The following ABL1 variants were observed in gnomAD, a reference collection of about 807,000 sequenced individuals.
ABL1 encodes ABL proto-oncogene 1, non-receptor tyrosine kinase, also known as tyrosine-protein kinase ABL1.
In ABL1, 11 loss-of-function variants were observed where a neutral mutation model predicts 94.7. That is an observed-to-expected ratio of 0.12 (90% CI 0.07 to 0.19). ABL1 has a LOEUF of 0.19. Ranked by LOEUF, ABL1 falls within the 10% of genes least tolerant of loss-of-function variation. The pLI, the probability that ABL1 is intolerant of heterozygous loss-of-function variation, is 1.00. For synonymous variants in ABL1, 656 were observed against 622.4 expected, an observed-to-expected ratio of 1.05 and a Z score of -0.80; for missense variants, 1,082 against 1,489.4, an observed-to-expected ratio of 0.73 and a Z score of 4.50.
chr9:130,865,670 C>T (rs1195505234), intron 4 of ABL1, among the ~76,000 whole-genome samples: 2 of 140,018 alleles, frequency 1.4e-5, no homozygotes, highest in Non-Finnish European at 3.0e-5. Context: ...TACCTGAGCC[C>T]GGGAGGTTGA....
Position 130,885,292 on chromosome 9 carries a change from C to T in ABL1, c.3002C>T (p.Ala1001Val), listed in dbSNP as rs1320012629. 2.5e-6 allele frequency: 4 copies of T among 1,613,724 alleles called. No individual in the cohort carries two copies. The Admixed American group carries it at 6.7e-5, about 27-fold the overall frequency. The change falls in exon 11 of 11, where the codon GCC becomes GTC. Residue 1001 changes from alanine to valine, a missense_variant. Ala to Val is a moderately conservative substitution (Grantham distance 64). Coordinates refer to ENST00000318560, the MANE Select transcript of ABL1 (RefSeq NM_005157.6). ...GCAGGGGACCAGCCGTCTTCCACCGCCTTCATCCCTCTCATATCAACCCGA... is the reference window on the plus strand; with the variant it reads ...GCAGGGGACCAGCCGTCTTCCACCGTCTTCATCCCTCTCATATCAACCCGA... ...ALAGDQPSST[A>V]FIPLISTRVS...
At chr9:130,721,345 T>G (rs1464188160) in intron 1 of ABL1, among the ~76,000 whole-genome samples, 1 of 152,104 alleles carries the variant, frequency 6.6e-6, no homozygotes, top group Non-Finnish European at 1.5e-5. Context: ...GCCACCGCAC[T>G]CCAGCCTGGG....
At chr9:130,827,424 A>G (rs575545937) in intron 1 of ABL1, among the ~76,000 whole-genome samples, 26 of 152,284 alleles carry the variant, frequency 1.7e-4, no homozygotes, top group African/African-American at 6.0e-4. Flanking sequence ...CACGCATACA[A>G]AACTAACAGT....
intron 1 of ABL1, among the ~76,000 whole-genome samples, chr9:130,836,711 G>A (rs1830591400): frequency 6.6e-6 from 1 of 151,636 alleles, no homozygotes; most frequent in South Asian, 2.1e-4. Flanking sequence ...TGTAATCCCA[G>A]CTACTCGGGA....
chr9:130,781,434 C>G (rs1335403489), intron 1 of ABL1, among the ~76,000 whole-genome samples: 1 of 152,144 alleles, frequency 6.6e-6, no homozygotes. Flanking sequence ...CAATAGTTTT[C>G]TTTGAACATT....
rs1408382169 is a variant in ABL1 at position 130,735,221 on chromosome 9, G to A, written c.136+20766G>A. Among the ~76,000 whole-genome samples, 5 of 151,898 alleles carry A rather than the reference G, an allele frequency of 3.3e-5. No homozygotes were observed. The East Asian group carries it at 5.9e-4, about 18-fold the overall frequency. On this transcript the variant is annotated intron_variant, in intron 1 of 10. Coordinates refer to the ABL1 transcript ENST00000372348. ...ATTTTTGTATTTTTAGTAGCGATGGGGTTTCACCATGTTGGCCAGGCTGGT... is the reference window on the plus strand; with the variant it reads ...ATTTTTGTATTTTTAGTAGCGATGGAGTTTCACCATGTTGGCCAGGCTGGT...
chr9:130,884,125 C>T lies in ABL1; in HGVS notation c.1835C>T (p.Pro612Leu). 1.2e-6 allele frequency: 2 copies of T among 1,613,742 alleles called. No homozygotes were observed. Among genetic ancestry groups the T allele is most frequent in the Non-Finnish European group, 1.7e-6 (2 of 1,180,050 alleles). The change falls in exon 11 of 11, where the codon CCA becomes CTA. Residue 612 changes from proline (P) to leucine (L), a missense_variant. By Grantham distance (98) the Pro-to-Leu change is moderately conservative (BLOSUM62 -3). Around this residue, in one of 7 missense-constraint regions of ABL1, gnomAD observed 780 missense variants for 835.8 expected, o/e 0.93. Coordinates refer to ENST00000318560, the MANE Select transcript of ABL1 (RefSeq NM_005157.6). The surrounding 1 kb of genome is among the most constrained non-coding windows in gnomAD (Gnocchi z 5.6). ...ALIKKKKKTA[P>L]TPPKRSSSFR... ...ATCAAGAAGAAGAAGAAGACAGCCC[C>T]AACCCCTCCCAAACGCAGCAGCTCC...
chr9:130,804,597 T>A (rs1188574364), intron 1 of ABL1, among the ~76,000 whole-genome samples: 2 of 151,940 alleles, frequency 1.3e-5, no homozygotes, highest in Non-Finnish European at 2.9e-5. Context: ...AAAGAAAAAA[T>A]TCATGAGACT....
At chr9:130,796,956 G>A (rs1588242257) in intron 1 of ABL1, among the ~76,000 whole-genome samples, 1 of 131,942 alleles carries the variant, frequency 7.6e-6, no homozygotes, top group African/African-American at 3.0e-5. Flanking sequence ...CTTTTTTTTT[G>A]GCCAGGCACA....
chr9:130,804,273 G>A (rs1046681469), intron 1 of ABL1, among the ~76,000 whole-genome samples: 3 of 149,392 alleles, frequency 2.0e-5, no homozygotes, highest in Admixed American at 6.7e-5. Context: ...GCAGAAAAAC[G>A]GCGTGAACCC....
rs554980189 is a variant in ABL1 at position 130,770,845 on chromosome 9, T to C, written c.136+56390T>C. On this transcript the variant is annotated intron_variant, in intron 1 of 10. Coordinates refer to the ABL1 transcript ENST00000372348. ...GGTTGTAGACCCGGTACTATCACATTCCCAGCCTACCCCTTAACCTAGTCC... is the reference window on the plus strand; with the variant it reads ...GGTTGTAGACCCGGTACTATCACATCCCCAGCCTACCCCTTAACCTAGTCC... Among the ~76,000 whole-genome samples, 431 of 152,268 alleles carry C rather than the reference T, an allele frequency of 2.8e-3. 2 individuals are homozygous for C. The highest frequency in any genetic ancestry group is 5.5e-3 in the Non-Finnish European group (376 of 68,002).
At chr9:130,789,158 C>T (rs368607534) in intron 1 of ABL1, among the ~76,000 whole-genome samples, 23 of 152,202 alleles carry the variant, frequency 1.5e-4, no homozygotes, top group East Asian at 5.8e-4. Context: ...GATCCAAGAC[C>T]GTTTCTCATA....
intron 1 of ABL1, among the ~76,000 whole-genome samples, chr9:130,730,266 G>A (rs562987962): frequency 6.9e-5 from 10 of 145,512 alleles, no homozygotes; most frequent in African/African-American, 1.8e-4. Context: ...GGTCTCGAAC[G>A]CCCAACCTCA....
chr9:130,799,002 A>C (rs1489996263), intron 1 of ABL1, among the ~76,000 whole-genome samples: 1 of 148,336 alleles, frequency 6.7e-6, no homozygotes, highest in Non-Finnish European at 1.5e-5. Flanking sequence ...AAGGGAATGG[A>C]GGAAGCAAGG....
At chr9:130,846,892 T>G (rs1830781518) in intron 1 of ABL1, among the ~76,000 whole-genome samples, 1 of 152,384 alleles carries the variant, frequency 6.6e-6, no homozygotes, top group African/African-American at 2.4e-5. Flanking sequence ...TAAAACGATC[T>G]TTCAATTTTA....
intron 1 of ABL1, among the ~76,000 whole-genome samples, chr9:130,718,224 A>C (rs1403191241): frequency 6.7e-6 from 1 of 150,084 alleles, no homozygotes; most frequent in Non-Finnish European, 1.5e-5. Flanking sequence ...AGGCTGAGGC[A>C]GGAGAATATC....
At chr9:130,785,928 T>TAACA (rs1829819554) in intron 1 of ABL1, among the ~76,000 whole-genome samples, 1 of 56,658 alleles carries the variant, frequency 1.8e-5, no homozygotes, top group African/African-American at 6.0e-5. Context: ...GTCTCAAAAC[T>TAACA]AAAAAAAAAA....
At chr9:130,731,011 T>C (rs1398556525) in intron 1 of ABL1, among the ~76,000 whole-genome samples, 1 of 129,724 alleles carries the variant, frequency 7.7e-6, no homozygotes, top group Non-Finnish European at 1.7e-5. Context: ...TTTTTTTTTT[T>C]TTTTTTTTTT....
At chr9:130,747,869 A>G (rs1831907046) in intron 1 of ABL1, among the ~76,000 whole-genome samples, 1 of 152,198 alleles carries the variant, frequency 6.6e-6, no homozygotes, top group South Asian at 2.1e-4. Flanking sequence ...GGACTGGCAT[A>G]TCTTTTGGAG....
Sources: allele counts gnomAD v4.1 joint callset (sites outside exome capture counted in the v4.1 genomes callset), GRCh38; gene constraint gnomAD v4.1.1; regional missense constraint gnomAD v4.1.1; non-coding constraint Gnocchi (gnomAD v3.1); transcripts MANE v1.5; gene names NCBI Gene and HGNC (gene_info 2026-07-23, HGNC 2026-07-21).